HDAC9: variants seen among roughly 807,000 people sequenced by gnomAD.
HDAC9 encodes the protein histone deacetylase 9.
HDAC9 carries 41 observed loss-of-function variants against 139.4 expected under a neutral mutation model. The observed-to-expected ratio is 0.29, with a 90% CI of 0.23 to 0.38. The LOEUF is 0.38. Among genes scored for constraint, HDAC9 ranks in the 10% least tolerant of loss-of-function variants. The pLI is 1.00. For synonymous variants in HDAC9, 517 were observed against 476.2 expected (o/e 1.09, Z -1.12); for missense variants, 1,147 against 1,297.0 (o/e 0.88, Z 1.78).
At chr7:18,461,398 T>C (rs1793835876) in intron 1 of HDAC9, among the ~76,000 whole-genome samples, 1 of 152,208 alleles carries the variant, frequency 6.6e-6, no homozygotes, top group South Asian at 2.1e-4. Context: ...AATTGAATGA[T>C]ACTAAAATAT....
At chr7:18,934,072 ATAGAG>A (rs922901714) in intron 22 of HDAC9, among the ~76,000 whole-genome samples, 1 of 152,190 alleles carries the variant, frequency 6.6e-6, no homozygotes, top group Non-Finnish European at 1.5e-5. Flanking sequence ...AAATAATGTA[ATAGAG>A]TAAACAAACA....
chr7:18,317,153 C>T (rs895765141), intron 1 of HDAC9, among the ~76,000 whole-genome samples: 8 of 145,460 alleles, frequency 5.5e-5, no homozygotes, highest in South Asian at 2.2e-4. Flanking sequence ...AAATAAATGG[C>T]GCCACTGCAC....
chr7:18,890,965 G>A (rs1252527413), intron 22 of HDAC9, among the ~76,000 whole-genome samples: 2 of 152,174 alleles, frequency 1.3e-5, no homozygotes, highest in African/African-American at 2.4e-5. Context: ...CTGACCTCCA[G>A]CAGTCTAGGA....
rs535708886 is a variant in HDAC9, at chr7:18,997,155, C to T, written c.*1093C>T. ...TTAACACAGTTGTTTTGTCTGATTG[C>T]ATTTTATTAACTGTGAAGCCGTTGA... On this transcript the variant is annotated 3_prime_UTR_variant, in exon 26 of 26. Transcript: ENST00000686413. 6.6e-6 allele frequency: 1 copy of T among 152,154 alleles called. No homozygotes were observed. The highest frequency in any genetic ancestry group is 1.5e-5 in the Non-Finnish European group (1 of 67,990). The allele number at this position is 152,154 out of a possible 1,614,324, so 9.4% of individuals were successfully genotyped here.
intron 21 of HDAC9, among the ~76,000 whole-genome samples, chr7:18,854,021 A>G (rs1290192695): frequency 2.0e-5 from 3 of 152,208 alleles, no homozygotes; most frequent in African/African-American, 4.8e-5. Context: ...ACATAGTGAC[A>G]TACTCTTAAT....
chr7:18,540,688 AT>A (rs1221812250), intron 2 of HDAC9, among the ~76,000 whole-genome samples: 1 of 152,232 alleles, frequency 6.6e-6, no homozygotes, highest in Non-Finnish European at 1.5e-5. Flanking sequence ...CCTTGGATGT[AT>A]AAAGAATTTT....
At chr7:18,911,296 CTTG>C (rs746011180) in intron 22 of HDAC9, among the ~76,000 whole-genome samples, 9 of 151,328 alleles carry the variant, frequency 5.9e-5, no homozygotes, top group Non-Finnish European at 7.4e-5. Context: ...GTTGTAATGT[CTTG>C]TTGTTGTATA....
chr7:18,739,516 G>C (rs1465872712), intron 13 of HDAC9, among the ~76,000 whole-genome samples: 2 of 152,174 alleles, frequency 1.3e-5, no homozygotes, highest in African/African-American at 4.8e-5. Flanking sequence ...CTAACCATCA[G>C]GTCCCTCAGC....
chr7:18,758,691 T>A (rs1351583989), intron 14 of HDAC9, among the ~76,000 whole-genome samples: 1 of 152,172 alleles, frequency 6.6e-6, no homozygotes, highest in African/African-American at 2.4e-5. Flanking sequence ...CTTTCAGAAT[T>A]TTCAGCTTAA....
At chr7:18,091,292 T>C (rs1782128256) in intron 1 of HDAC9, among the ~76,000 whole-genome samples, 1 of 152,186 alleles carries the variant, frequency 6.6e-6, no homozygotes, top group Non-Finnish European at 1.5e-5. Context: ...CTACTATCTA[T>C]TGTTTGCTGC....
chr7:18,437,393 T>G (rs1487588983), intron 1 of HDAC9, among the ~76,000 whole-genome samples: 4 of 152,108 alleles, frequency 2.6e-5, no homozygotes, highest in African/African-American at 9.7e-5. Context: ...CATGGACAAC[T>G]CATTTCAAGC....
At chr7:18,817,493 T>C (rs1418813137) in intron 17 of HDAC9, among the ~76,000 whole-genome samples, 1 of 152,148 alleles carries the variant, frequency 6.6e-6, no homozygotes, top group Non-Finnish European at 1.5e-5. Flanking sequence ...AATAGAACAT[T>C]TGGATCTTTT....
At chr7:18,288,503 A>C (rs746676404), upstream of HDAC9, among the ~76,000 whole-genome samples, 9 of 152,144 alleles carry the variant, frequency 5.9e-5, no homozygotes, top group Non-Finnish European at 1.3e-4. Context: ...GCTGCTTATT[A>C]CTTCTCTTTA....
intron 1 of HDAC9, among the ~76,000 whole-genome samples, chr7:18,361,582 A>G (rs1185006791): frequency 6.6e-6 from 1 of 152,192 alleles, no homozygotes; most frequent in African/African-American, 2.4e-5. Context: ...CACCAGGGAA[A>G]CCAAAGGAAA....
Position 18,339,701 on chromosome 7 carries a change from A to G in HDAC9, c.-42+49186A>G, listed in dbSNP as rs140149482. On this transcript the variant is annotated intron_variant, in intron 1 of 3. Transcript: ENST00000413509. ...TCCACATATTTTAAGATTTTAACAT[A>G]TATGTTTCTGTAAGTGATTTCTAAT... 3.7e-3 allele frequency among the ~76,000 whole-genome samples: 568 copies of G among 151,564 alleles called. 7 individuals are homozygous for G. The highest frequency in any genetic ancestry group is 0.013 in the African/African-American group (533 of 41,474).
chr7:18,264,324 C>G (rs1460507758), intron 2 of HDAC9, among the ~76,000 whole-genome samples: 1 of 151,990 alleles, frequency 6.6e-6, no homozygotes, highest in Non-Finnish European at 1.5e-5. Context: ...AAAGTATATT[C>G]TCCAACTACA....
At chr7:18,615,852 C>T (rs1284687002) in intron 6 of HDAC9, among the ~76,000 whole-genome samples, 4 of 152,202 alleles carry the variant, frequency 2.6e-5, no homozygotes, top group Admixed American at 2.0e-4. Context: ...CAAATTACTG[C>T]AAACTTAGTT....
intron 8 of HDAC9, among the ~76,000 whole-genome samples, chr7:18,642,245 G>A (rs748950180): frequency 1.1e-4 from 16 of 147,048 alleles, no homozygotes; most frequent in African/African-American, 3.4e-4. Context: ...TAAAGTCACC[G>A]GAGCTTTTTT....
intron 22 of HDAC9, among the ~76,000 whole-genome samples, chr7:18,907,509 G>A (rs1802368008): frequency 1.3e-5 from 2 of 152,180 alleles, no homozygotes; most frequent in African/African-American, 4.8e-5. Context: ...GCTAGTGTAA[G>A]AATTCCCTGC....
Sources: allele counts gnomAD v4.1 joint callset (sites outside exome capture counted in the v4.1 genomes callset), GRCh38; gene constraint gnomAD v4.1.1; transcripts MANE v1.5; gene names NCBI Gene and HGNC (gene_info 2026-07-23, HGNC 2026-07-21).